APBA2: variants seen among roughly 807,000 people sequenced by gnomAD.
The protein encoded by APBA2 is amyloid beta precursor protein binding family A member 2, also known as amyloid-beta A4 precursor protein-binding family A member 2.
In APBA2, 30 loss-of-function variants were observed where a neutral mutation model predicts 75.0. The observed-to-expected ratio is 0.40, with a 90% CI of 0.30 to 0.54. The LOEUF is 0.54. Ranked by LOEUF, APBA2 falls within the 20% of genes least tolerant of loss-of-function variation. The pLI is 0.49. For synonymous variants in APBA2, 444 were observed against 409.6 expected (o/e 1.08, Z -1.01); for missense variants, 801 against 1,016.1 (o/e 0.79, Z 2.88).
chr15:28,952,320 A>G (rs2035933062), intron 2 of APBA2, among the ~76,000 whole-genome samples: 2 of 152,136 alleles, frequency 1.3e-5, no homozygotes, highest in Admixed American at 1.3e-4. Flanking sequence ...GCTTGAGCCC[A>G]GGAGTTCAAG....
chr15:29,031,458 C>G (rs1254236169), intron 3 of APBA2, among the ~76,000 whole-genome samples: 2 of 152,048 alleles, frequency 1.3e-5, no homozygotes, highest in Non-Finnish European at 2.9e-5. Flanking sequence ...TGGGGTCTCT[C>G]TGTGTACCCC....
At chr15:29,068,768 G>A (rs947337358) in intron 4 of APBA2, among the ~76,000 whole-genome samples, 20 of 152,196 alleles carry the variant, frequency 1.3e-4, no homozygotes, top group Non-Finnish European at 2.9e-4. Flanking sequence ...GATGACCTCC[G>A]TAGAGCTTAG....
chr15:28,892,023 C>T (rs911602263), intron 1 of APBA2, among the ~76,000 whole-genome samples: 1 of 152,192 alleles, frequency 6.6e-6, no homozygotes, highest in Non-Finnish European at 1.5e-5. Context: ...TCCAGTCTTG[C>T]AAGCTCCATT....
At chr15:29,075,229 G>A (rs2042797949) in intron 5 of APBA2, among the ~76,000 whole-genome samples, 1 of 152,188 alleles carries the variant, frequency 6.6e-6, no homozygotes, top group African/African-American at 2.4e-5. Flanking sequence ...TTAGGACCAT[G>A]CCATGGAGTG....
At position 29,098,493 on chromosome 15, in the gene APBA2, T is replaced by G. The variant is rs757748034; in HGVS notation, c.1255T>G (p.Ser419Ala). Residue 419 changes from serine to alanine, a missense_variant, in exon 9 of 15, where the codon TCT (serine) becomes GCT (alanine). Physicochemically the swap from Ser to Ala is moderately conservative, Grantham distance 99. Transcript: ENST00000683413. Reference sequence around the variant, plus strand: ...CAATATCCACTGTCCTTCTTAGAATTCTGAGGGGGATGCCCAGACGCTGAC... The same window carrying G: ...CAATATCCACTGTCCTTCTTAGAATGCTGAGGGGGATGCCCAGACGCTGAC... ...KAAKIKKKAN[S>A]EGDAQTLTEV... 6.2e-7 allele frequency: 1 copy of G among 1,613,742 alleles called. No individual in the cohort carries two copies. The highest frequency in any genetic ancestry group is 2.2e-5 in the East Asian group (1 of 44,880).
chr15:29,029,848 A>T (rs1198571404), intron 3 of APBA2, among the ~76,000 whole-genome samples: 1 of 152,204 alleles, frequency 6.6e-6, no homozygotes, highest in African/African-American at 2.4e-5. Context: ...GCTGGGGAGC[A>T]GTGGCTTGAG....
chr15:28,975,862 C>T (rs2037310318), intron 2 of APBA2, among the ~76,000 whole-genome samples: 2 of 152,184 alleles, frequency 1.3e-5, no homozygotes, highest in South Asian at 2.1e-4. Flanking sequence ...TTTGATGGCG[C>T]CCTCTATTGG....
chr15:29,106,312 C>T (rs1204525327), intron 11 of APBA2, among the ~76,000 whole-genome samples: 7 of 142,288 alleles, frequency 4.9e-5, no homozygotes, highest in South Asian at 4.7e-4. Flanking sequence ...GTGTTGGGCA[C>T]GGGTGGGGTT....
At chr15:28,941,991 T>C (rs2035259445) in intron 2 of APBA2, among the ~76,000 whole-genome samples, 2 of 152,174 alleles carry the variant, frequency 1.3e-5, no homozygotes, top group South Asian at 2.1e-4. Flanking sequence ...GATCTCCTGA[T>C]CTCGTGATCC....
At chr15:28,964,509 C>T (rs1278574651) in intron 2 of APBA2, among the ~76,000 whole-genome samples, 3 of 141,878 alleles carry the variant, frequency 2.1e-5, no homozygotes, top group Non-Finnish European at 3.0e-5. Context: ...TTTTTTGAGA[C>T]GAAGTCTTGC....
intron 3 of APBA2, among the ~76,000 whole-genome samples, chr15:29,015,415 A>T (rs2039609378): frequency 6.6e-6 from 1 of 152,214 alleles, no homozygotes; most frequent in South Asian, 2.1e-4. Flanking sequence ...TGACAGTCTC[A>T]GTTGGTAAAT....
chr15:28,897,617 C>CAAAAAA lies in APBA2; in HGVS notation c.-205+11354_-205+11359dup, dbSNP rs370287342. On this transcript the variant is annotated intron_variant, in intron 1 of 14. Coordinates refer to ENST00000683413, the MANE Select transcript of APBA2 (RefSeq NM_001353788.2). ...TGGGCAACAGAGCGAGATTCCGTCT[C>CAAAAAA]AAAAAAAAAAAAAAAAAAAAGAGAA... 1.3e-3 allele frequency among the ~76,000 whole-genome samples: 102 copies of CAAAAAA among 78,626 alleles called. 1 individual carries two copies. The highest frequency in any genetic ancestry group is 5.1e-3 in the African/African-American group (96 of 18,866). The allele number at this position is 78,626 out of a possible 152,430, so 51.6% of individuals were successfully genotyped here. A position where few individuals can be genotyped will look rare whatever the true frequency, so the allele number is the denominator to read the frequency against.
intron 14 of APBA2, among the ~76,000 whole-genome samples, chr15:29,114,272 C>T (rs1323279760): frequency 6.6e-6 from 1 of 152,226 alleles, no homozygotes; most frequent in East Asian, 1.9e-4. Context: ...GGGACTGGAC[C>T]TGTATGTCCA....
intron 2 of APBA2, among the ~76,000 whole-genome samples, chr15:28,974,302 T>C (rs1163711952): frequency 6.6e-6 from 1 of 152,218 alleles, no homozygotes; most frequent in East Asian, 1.9e-4. Flanking sequence ...TGTGGTTATG[T>C]CTGCTTCACA....
intron 6 of APBA2, among the ~76,000 whole-genome samples, chr15:29,078,610 C>CAA (rs1181567320): frequency 4.7e-5 from 4 of 85,050 alleles, no homozygotes; most frequent in Non-Finnish European, 1.0e-4. Flanking sequence ...GACTCCATCT[C>CAA]AAAAAAAAAA....
At chr15:28,930,266 G>A (rs1464382725) in intron 2 of APBA2, among the ~76,000 whole-genome samples, 1 of 152,108 alleles carries the variant, frequency 6.6e-6, no homozygotes, top group Non-Finnish European at 1.5e-5. Context: ...AAGTCATAAG[G>A]ACCATAAGGT....
chr15:29,026,290 C>G (rs541793703), intron 3 of APBA2, among the ~76,000 whole-genome samples: 1 of 152,218 alleles, frequency 6.6e-6, no homozygotes, highest in East Asian at 1.9e-4. Flanking sequence ...ATCTGCCATA[C>G]AGGGTCCTTC....
intron 6 of APBA2, among the ~76,000 whole-genome samples, chr15:29,086,497 A>C (rs2043299539): frequency 6.6e-6 from 1 of 152,244 alleles, no homozygotes; most frequent in African/African-American, 2.4e-5. Context: ...TCAGGTTTAT[A>C]GGTTCTAACA....
chr15:28,907,073 T>A (rs1177240012), intron 1 of APBA2, among the ~76,000 whole-genome samples: 1 of 152,222 alleles, frequency 6.6e-6, no homozygotes. Flanking sequence ...TCTACCCTAA[T>A]ATATATAAGC....
Sources: allele counts gnomAD v4.1 joint callset (sites outside exome capture counted in the v4.1 genomes callset), GRCh38; gene constraint gnomAD v4.1.1; transcripts MANE v1.5; gene names NCBI Gene and HGNC (gene_info 2026-07-23, HGNC 2026-07-21).